DMD: variants seen among roughly 807,000 people sequenced by gnomAD.
DMD encodes mutant dystrophin.
In DMD, 63 loss-of-function variants were observed where a neutral mutation model predicts 330.1. The observed-to-expected ratio is 0.19, with a 90% CI of 0.16 to 0.24. The LOEUF (loss-of-function observed/expected upper bound fraction) is 0.24. Ranked by LOEUF, DMD falls within the 10% of genes least tolerant of loss-of-function variation. The probability of loss-of-function intolerance (pLI) is 1.00; values close to 1 mark genes in which losing one functional copy is unlikely to be tolerated. For synonymous variants in DMD, 1,223 were observed against 959.8 expected (o/e 1.27, Z -5.07); for missense variants, 3,344 against 2,684.1 (o/e 1.25, Z -5.43).
chrX:32,311,285 C>T (rs752974896), intron 41 of DMD, among the ~76,000 whole-genome samples: 15 of 110,924 alleles, frequency 1.4e-4, no homozygotes, highest in Non-Finnish European at 2.5e-4. Context: ...AGCATGCTAA[C>T]GTAGCCATTT....
At chrX:32,423,780 C>A (rs2098200584) in intron 29 of DMD, among the ~76,000 whole-genome samples, 1 of 110,527 alleles carries the variant, frequency 9.0e-6, no homozygotes, top group Non-Finnish European at 1.9e-5. Context: ...GCTATGTACT[C>A]TTTCAGTTCC....
intron 9 of DMD, among the ~76,000 whole-genome samples, chrX:32,666,647 G>A (rs1281571963): frequency 9.1e-6 from 1 of 110,172 alleles, no homozygotes. Flanking sequence ...TGGCCAACAT[G>A]GTGAAACCCT....
chrX:32,982,331 C>T (rs189235208), intron 2 of DMD, among the ~76,000 whole-genome samples: 29 of 111,504 alleles, frequency 2.6e-4, no homozygotes, highest in Non-Finnish European at 4.3e-4. Flanking sequence ...GTACATGACA[C>T]GTTGTAGGAA....
intron 51 of DMD, among the ~76,000 whole-genome samples, chrX:31,733,360 T>C (rs2086646919): frequency 9.0e-6 from 1 of 111,626 alleles, no homozygotes; most frequent in Non-Finnish European, 1.9e-5. Context: ...ATAAAAACTC[T>C]ATATGTTGAG....
intron 43 of DMD, among the ~76,000 whole-genome samples, chrX:32,276,781 G>T (rs1311930006): frequency 9.1e-6 from 1 of 110,357 alleles, no homozygotes; most frequent in African/African-American, 3.3e-5. Flanking sequence ...TTAGCCACGC[G>T]TGATTGTGGG....
intron 52 of DMD, among the ~76,000 whole-genome samples, chrX:31,719,070 G>C (rs1175899932): frequency 8.9e-6 from 1 of 111,969 alleles, no homozygotes. Flanking sequence ...CCAGGATAAA[G>C]GTAGAACCTG....
In DMD at chrX:32,969,415, AC is replaced by A. The variant is rs201293292; in HGVS notation, c.93+50723del. On this transcript the variant is annotated intron_variant, in intron 2 of 78. Transcript: ENST00000357033. Reference sequence around the variant, plus strand: ...ATACATATACATAAAACATGTATGTACCACATACATAGATAAAATATGCTAC... The same window carrying A: ...ATACATATACATAAAACATGTATGTACACATACATAGATAAAATATGCTAC... Among the ~76,000 whole-genome samples the A allele has an allele frequency of 1.1e-3, 101 of 93,174 alleles. 11 individuals are homozygous for A. The East Asian group carries it at 0.033, about 30-fold the overall frequency. 80.9% of individuals were successfully genotyped at this position (93,174 alleles called of 115,157 possible). A position where few individuals can be genotyped will look rare whatever the true frequency, so the allele number is the denominator to read the frequency against.
chrX:32,934,312 T>A, intron 2 of DMD, among the ~76,000 whole-genome samples: 1 of 111,215 alleles, frequency 9.0e-6, no homozygotes, highest in Non-Finnish European at 1.9e-5. Context: ...ATAATCCCCC[T>A]GGGAGGCTGA....
intron 41 of DMD, among the ~76,000 whole-genome samples, chrX:32,332,818 G>C (rs1287601394): frequency 9.1e-6 from 1 of 110,000 alleles, no homozygotes; most frequent in South Asian, 3.8e-4. Context: ...GTAGAGATAG[G>C]CTAAAGAAAG....
At chrX:31,667,108 C>T (rs973406732) in intron 53 of DMD, among the ~76,000 whole-genome samples, 1 of 111,655 alleles carries the variant, frequency 9.0e-6, no homozygotes, top group African/African-American at 3.3e-5. Context: ...TACCAATTAA[C>T]AGTCCCTTTC....
chrX:32,994,330 AT>A (rs1336485930), intron 2 of DMD, among the ~76,000 whole-genome samples: 2 of 93,364 alleles, frequency 2.1e-5, no homozygotes, highest in African/African-American at 9.4e-5. Context: ...GAAGCCCCCA[AT>A]TTAAAAAAAA....
intron 60 of DMD, among the ~76,000 whole-genome samples, chrX:31,441,501 C>A: frequency 8.9e-6 from 1 of 112,524 alleles, no homozygotes; most frequent in East Asian, 2.8e-4. Flanking sequence ...CCAGAGAGTT[C>A]TTTACTTTTT....
chrX:31,178,455 T>A, intron 70 of DMD: 1 of 877,197 alleles, frequency 1.1e-6, no homozygotes. Flanking sequence ...TTTCCCCCTG[T>A]GAGATAAAGT....
chrX:31,699,319 G>T (rs2083645987), intron 52 of DMD, among the ~76,000 whole-genome samples: 1 of 112,449 alleles, frequency 8.9e-6, no homozygotes, highest in Non-Finnish European at 1.9e-5. Context: ...AGAGCTGAAA[G>T]CTCACCTTAC....
intron 55 of DMD, among the ~76,000 whole-genome samples, chrX:31,554,068 T>C (rs970895703): frequency 1.8e-5 from 2 of 112,477 alleles, no homozygotes; most frequent in Non-Finnish European, 3.8e-5. Context: ...GATCAGAATG[T>C]GTGGGAGCAG....
chrX:33,323,803 A>G (rs1397083278), intron 1 of DMD, among the ~76,000 whole-genome samples: 1 of 111,759 alleles, frequency 8.9e-6, no homozygotes, highest in Non-Finnish European at 1.9e-5. Context: ...GGAAACTACT[A>G]TCAAGCAATT....
chrX:31,206,884 C>T (rs867675948), intron 65 of DMD, among the ~76,000 whole-genome samples: 2 of 111,282 alleles, frequency 1.8e-5, no homozygotes, highest in African/African-American at 3.3e-5. Context: ...GAAATTCAAC[C>T]AACTTGACCA....
At chrX:31,664,120 T>C (rs190016059) in intron 53 of DMD, among the ~76,000 whole-genome samples, 6 of 111,493 alleles carry the variant, frequency 5.4e-5, no homozygotes, top group African/African-American at 1.6e-4. Context: ...TTACTAGAAG[T>C]AACACAAGCA....
At chrX:33,337,284 A>G (rs1487201290) in intron 1 of DMD, among the ~76,000 whole-genome samples, 1 of 111,641 alleles carries the variant, frequency 9.0e-6, no homozygotes, top group East Asian at 2.8e-4. Flanking sequence ...TTGAATGGTC[A>G]CTTAAAACGG....
Sources: gnomAD v4.1 joint callset for allele counts (sites outside exome capture counted in the v4.1 genomes callset) on GRCh38, gnomAD v4.1.1 for gene constraint, MANE v1.5 for transcripts, NCBI Gene and HGNC (gene_info 2026-07-23, HGNC 2026-07-21) for gene names.